Variants in SPOCK3 observed in about 807,000 individuals in gnomAD.
The protein encoded by SPOCK3 is testican-3.
A neutral mutation model predicts 56.6 loss-of-function variants in SPOCK3; 30 were observed. The ratio of observed to expected loss-of-function variants is 0.53; its 90% CI spans 0.40 to 0.72. SPOCK3 has a LOEUF of 0.72. Among genes scored for constraint, SPOCK3 ranks in the 30% least tolerant of loss-of-function variants. SPOCK3 has a pLI of 0.00. For synonymous variants in SPOCK3, 196 were observed against 183.3 expected, an observed-to-expected ratio of 1.07 and a Z score of -0.56; for missense variants, 527 against 530.0, an observed-to-expected ratio of 0.99 and a Z score of 0.06.
chr4:167,110,270 T>C (rs1036595151), intron 2 of SPOCK3, among the ~76,000 whole-genome samples: 2 of 152,022 alleles, frequency 1.3e-5, no homozygotes, highest in Non-Finnish European at 2.9e-5. Flanking sequence ...AGCAGAAATA[T>C]CTCCTCTCCC....
chr4:167,073,476 T>C (rs992751822), intron 2 of SPOCK3, among the ~76,000 whole-genome samples: 3 of 151,822 alleles, frequency 2.0e-5, no homozygotes, highest in Admixed American at 6.6e-5. Flanking sequence ...GAGTCAAGAA[T>C]GTATTTCTGT....
chr4:166,843,202 GC>G (rs1439279152), intron 6 of SPOCK3, among the ~76,000 whole-genome samples: 5 of 152,190 alleles, frequency 3.3e-5, no homozygotes, highest in Non-Finnish European at 5.9e-5. Context: ...GAGGGAGCCA[GC>G]TCCAGCCTTG....
intron 2 of SPOCK3, chr4:167,119,807 G>A: frequency 1.3e-6 from 2 of 1,534,276 alleles, no homozygotes; most frequent in Non-Finnish European, 8.7e-7. Context: ...ACTGAGCCCA[G>A]AAGACATGTG....
chr4:166,878,573 C>G (rs1733360759), intron 6 of SPOCK3, among the ~76,000 whole-genome samples: 1 of 151,834 alleles, frequency 6.6e-6, no homozygotes, highest in Non-Finnish European at 1.5e-5. Flanking sequence ...TAACTCATAG[C>G]TTGTAGTAAG....
intron 6 of SPOCK3, among the ~76,000 whole-genome samples, chr4:166,826,981 G>T (rs1490091781): frequency 3.3e-5 from 5 of 151,536 alleles, no homozygotes; most frequent in Non-Finnish European, 5.9e-5. Context: ...ATTTTGCTGG[G>T]CCCATTAAAA....
intron 8 of SPOCK3, among the ~76,000 whole-genome samples, chr4:166,747,395 C>G (rs1398394202): frequency 6.6e-6 from 1 of 152,170 alleles, no homozygotes; most frequent in Non-Finnish European, 1.5e-5. Flanking sequence ...ATATGATTAT[C>G]TCAATAGTTG....
intron 3 of SPOCK3, among the ~76,000 whole-genome samples, chr4:167,007,171 G>T (rs1451197205): frequency 3.9e-5 from 6 of 152,064 alleles, no homozygotes; most frequent in Admixed American, 3.9e-4. Flanking sequence ...CTGGCTTCTG[G>T]CTCTATTCTT....
chr4:166,830,578 T>C (rs1459990378), intron 6 of SPOCK3, among the ~76,000 whole-genome samples: 1 of 152,026 alleles, frequency 6.6e-6, no homozygotes, highest in Non-Finnish European at 1.5e-5. Context: ...AAACCTTGTC[T>C]ACCGAAAATA....
intron 3 of SPOCK3, among the ~76,000 whole-genome samples, chr4:167,004,128 G>A (rs535497524): frequency 6.6e-6 from 1 of 152,128 alleles, no homozygotes; most frequent in Admixed American, 6.6e-5. Context: ...TGGCAGAGAT[G>A]TATAAATAGT....
intron 6 of SPOCK3, among the ~76,000 whole-genome samples, chr4:166,818,637 A>T (rs978170617): frequency 6.6e-6 from 1 of 152,032 alleles, no homozygotes; most frequent in Non-Finnish European, 1.5e-5. Context: ...AAATAGGCAC[A>T]TACTTCACTT....
intron 2 of SPOCK3, among the ~76,000 whole-genome samples, chr4:167,149,675 G>A (rs1764249959): frequency 6.6e-6 from 1 of 151,836 alleles, no homozygotes; most frequent in African/African-American, 2.4e-5. Context: ...GCATGACATT[G>A]CTTTCTCTCA....
Position 167,011,676 on chromosome 4 carries a change from A to G in SPOCK3, c.236-11213T>C, listed in dbSNP as rs369906840. 1.8e-4 allele frequency among the ~76,000 whole-genome samples: 28 copies of G among 152,246 alleles called. No individual in the cohort carries two copies. In the East Asian group the frequency reaches 4.8e-3, roughly 26 times the overall value. On this transcript the variant is annotated intron_variant, in intron 3 of 10. Coordinates refer to ENST00000357545, the MANE Select transcript of SPOCK3 (RefSeq NM_001040159.2). ...TAAGCCTTGAGCTTTAAGGAGATGA[A>G]TACATTAGTTGGCCATATAAACATC...
chr4:166,802,666 C>T (rs951786885), intron 6 of SPOCK3, among the ~76,000 whole-genome samples: 4 of 151,890 alleles, frequency 2.6e-5, no homozygotes, highest in Admixed American at 6.6e-5. Context: ...AGGATTTGAA[C>T]GTAAGAATTT....
intron 2 of SPOCK3, among the ~76,000 whole-genome samples, chr4:167,098,329 A>T (rs575326446): frequency 2.2e-4 from 34 of 151,934 alleles, no homozygotes; most frequent in Non-Finnish European, 4.6e-4. Flanking sequence ...CTGCAGACTT[A>T]TAGGGCTTGC....
intron 5 of SPOCK3, among the ~76,000 whole-genome samples, chr4:166,889,615 T>C (rs1211266569): frequency 6.6e-6 from 1 of 151,932 alleles, no homozygotes; most frequent in Non-Finnish European, 1.5e-5. Flanking sequence ...TCAAATATAA[T>C]CTCGGTTTTT....
At chr4:167,027,360 C>G (rs568840612) in intron 3 of SPOCK3, among the ~76,000 whole-genome samples, 1 of 152,132 alleles carries the variant, frequency 6.6e-6, no homozygotes, top group East Asian at 1.9e-4. Flanking sequence ...GTTCATACAA[C>G]CTCATCGTAC....
chr4:167,185,794 T>C (rs915406819), intron 2 of SPOCK3, among the ~76,000 whole-genome samples: 4 of 152,142 alleles, frequency 2.6e-5, no homozygotes, highest in Non-Finnish European at 4.4e-5. Context: ...AATACAATGA[T>C]AGGATTTTTT....
At chr4:166,744,495 G>T (rs185066891) in intron 8 of SPOCK3, among the ~76,000 whole-genome samples, 1 of 152,206 alleles carries the variant, frequency 6.6e-6, no homozygotes, top group East Asian at 1.9e-4. Context: ...CATCATCAAA[G>T]ACCAAAGGTA....
At chr4:167,227,506 T>C (rs1736706307) in intron 2 of SPOCK3, among the ~76,000 whole-genome samples, 2 of 152,096 alleles carry the variant, frequency 1.3e-5, no homozygotes, top group Non-Finnish European at 1.5e-5. Flanking sequence ...ATTGTGGTAA[T>C]GCTAGGTGAG....
Sources: allele counts gnomAD v4.1 joint callset (sites outside exome capture counted in the v4.1 genomes callset), GRCh38; gene constraint gnomAD v4.1.1; transcripts MANE v1.5; gene names NCBI Gene and HGNC (gene_info 2026-07-23, HGNC 2026-07-21).